Variants in ENOX1 observed in about 807,000 individuals in gnomAD.
ENOX1 encodes ecto-NOX disulfide-thiol exchanger 1, also known as candidate growth-related and time keeping constitutive hydroquinone (NADH) oxidase.
Under a neutral mutation model 82.5 loss-of-function variants are expected in ENOX1, and 42 were observed. That is an observed-to-expected ratio of 0.51 (90% CI 0.40 to 0.66). The LOEUF (loss-of-function observed/expected upper bound fraction) is 0.66. Among genes scored for constraint, ENOX1 ranks in the 30% least tolerant of loss-of-function variants. ENOX1 has a pLI of 0.00. For missense variants in ENOX1, 608 were observed against 811.6 expected, an observed-to-expected ratio of 0.75 and a Z score of 3.05; for synonymous variants, 271 against 282.2, an observed-to-expected ratio of 0.96 and a Z score of 0.40.
intron 2 of ENOX1, among the ~76,000 whole-genome samples, chr13:43,499,066 A>G (rs2076889712): frequency 6.6e-6 from 1 of 152,078 alleles, no homozygotes; most frequent in Non-Finnish European, 1.5e-5. Context: ...ATTTTTCCCT[A>G]ATATCCCTAA....
chr13:43,740,355 T>C (rs1051590704), intron 1 of ENOX1, among the ~76,000 whole-genome samples: 4 of 152,208 alleles, frequency 2.6e-5, no homozygotes, highest in Non-Finnish European at 5.9e-5. Context: ...TTACCTTTTT[T>C]TTTTAACACC....
chr13:43,612,743 A>C (rs1005350588), intron 2 of ENOX1, among the ~76,000 whole-genome samples: 6 of 152,204 alleles, frequency 3.9e-5, no homozygotes, highest in African/African-American at 1.4e-4. Flanking sequence ...TATGGTTCCC[A>C]AAATAAATCA....
Position 43,564,148 on chromosome 13 carries a change from G to T in ENOX1, c.-218-79996C>A, listed in dbSNP as rs150436933. Among the ~76,000 whole-genome samples, 6 of 152,190 alleles carry T rather than the reference G, an allele frequency of 3.9e-5. No individual in the cohort carries two copies. In the East Asian group the frequency reaches 1.2e-3, roughly 29 times the overall value. ...AAATGCCAGCAAAATGAATTCAGAAGTGAAAGATCTCTACAATGAAAACTA... is the reference window on the plus strand; with the variant it reads ...AAATGCCAGCAAAATGAATTCAGAATTGAAAGATCTCTACAATGAAAACTA... On this transcript the variant is annotated intron_variant, in intron 2 of 16. Transcript: ENST00000690772.
intron 14 of ENOX1, among the ~76,000 whole-genome samples, chr13:43,257,175 A>G (rs1281488665): frequency 6.6e-6 from 1 of 152,170 alleles, no homozygotes; most frequent in Non-Finnish European, 1.5e-5. Flanking sequence ...GGGGATGAAG[A>G]GAGGTTGATT....
At chr13:43,271,282 C>G (rs2044665706) in intron 12 of ENOX1, among the ~76,000 whole-genome samples, 1 of 152,190 alleles carries the variant, frequency 6.6e-6, no homozygotes, top group South Asian at 2.1e-4. Context: ...TCATCAGACA[C>G]TATGCAGCCA....
At chr13:43,348,884 G>T (rs2049572463) in intron 8 of ENOX1, among the ~76,000 whole-genome samples, 1 of 152,224 alleles carries the variant, frequency 6.6e-6, no homozygotes, top group South Asian at 2.1e-4. Context: ...GAAATTGTAT[G>T]CTGAGGTTGC....
At position 43,227,896 on chromosome 13, in the gene ENOX1, G is replaced by A. The variant is rs188715148; in HGVS notation, c.1715-3758C>T. ...ATCCAGTGTTGCTAGAGACACAGCC[G>A]AAAGGAAAGCATGAGTCATCATCCT... On this transcript the variant is annotated intron_variant, in intron 15 of 16. Coordinates refer to ENST00000690772, the MANE Select transcript of ENOX1 (RefSeq NM_001347969.2). Among the ~76,000 whole-genome samples, 22 of 152,046 alleles carry A rather than the reference G, an allele frequency of 1.4e-4. No individual in the cohort carries two copies. The East Asian group carries it at 2.1e-3, about 15-fold the overall frequency.
intron 11 of ENOX1, among the ~76,000 whole-genome samples, chr13:43,311,375 T>C (rs2047193621): frequency 6.7e-6 from 1 of 149,968 alleles, no homozygotes; most frequent in Non-Finnish European, 1.5e-5. Flanking sequence ...TTTTTTTTTT[T>C]CTTCAAAATG....
rs573617690 is a variant in ENOX1, at chr13:43,738,537, T to C, written c.-285+48115A>G. Among the ~76,000 whole-genome samples, 14 of 152,336 alleles carry C rather than the reference T, an allele frequency of 9.2e-5. No homozygotes were observed. The East Asian group carries it at 2.5e-3, about 27-fold the overall frequency. ...AAATAGAAACAATGTTTTCATTTAC[T>C]ACTTTTCAAAGAGAGGTGTCTTCCA... On this transcript the variant is annotated intron_variant, in intron 1 of 16. Transcript: ENST00000690772.
At chr13:43,615,154 T>A (rs1054216475) in intron 2 of ENOX1, among the ~76,000 whole-genome samples, 8 of 152,214 alleles carry the variant, frequency 5.3e-5, no homozygotes, top group African/African-American at 1.4e-4. Flanking sequence ...TAAATCCAAT[T>A]ACTATATGTA....
intron 3 of ENOX1, 94 bp downstream of exon 3, chr13:43,483,915 G>T: frequency 3.0e-6 from 2 of 676,848 alleles, no homozygotes; most frequent in Non-Finnish European, 3.6e-6. Context: ...TACCCCCAGA[G>T]TTCTAATTGA....
intron 1 of ENOX1, among the ~76,000 whole-genome samples, chr13:43,703,586 A>G (rs1368731730): frequency 6.6e-6 from 1 of 152,096 alleles, no homozygotes; most frequent in Non-Finnish European, 1.5e-5. Context: ...GAATATCTCA[A>G]TAACATTTCT....
intron 3 of ENOX1, among the ~76,000 whole-genome samples, chr13:43,460,898 T>C (rs2057455670): frequency 6.7e-6 from 1 of 148,848 alleles, no homozygotes; most frequent in South Asian, 2.1e-4. Context: ...AAGGATTGGA[T>C]ATGGCACGGA....
intron 1 of ENOX1, among the ~76,000 whole-genome samples, chr13:43,750,621 T>C (rs755707604): frequency 2.0e-5 from 3 of 152,144 alleles, no homozygotes; most frequent in Admixed American, 6.5e-5. Context: ...TCTGGAACCT[T>C]TTGTCAAACG....
chr13:43,538,388 G>A (rs2078559514), intron 2 of ENOX1, among the ~76,000 whole-genome samples: 1 of 152,110 alleles, frequency 6.6e-6, no homozygotes, highest in Non-Finnish European at 1.5e-5. Context: ...TGTAGACTTT[G>A]GGGTGGGTTA....
At chr13:43,633,680 A>ATGTG (rs1337849766) in intron 2 of ENOX1, among the ~76,000 whole-genome samples, 9 of 41,036 alleles carry the variant, frequency 2.2e-4, no homozygotes, top group Non-Finnish European at 5.3e-4. Flanking sequence ...ACATTTTAAA[A>ATGTG]TGTGTGTATG....
At position 43,529,560 on chromosome 13, in the gene ENOX1, C is replaced by G. The variant is rs144442035; in HGVS notation, c.-218-45408G>C. Among the ~76,000 whole-genome samples, 19 of 152,188 alleles carry G rather than the reference C, an allele frequency of 1.2e-4. No homozygotes were observed. The East Asian group carries it at 2.1e-3, about 17-fold the overall frequency. The stretch of plus-strand genomic sequence containing the variant: ...TTGTGCTAGTTTTGCTGTCACATCT[C>G]TTCAAACTGCAAAAGTTATGGCCTC... On this transcript the variant is annotated intron_variant, in intron 2 of 16. Transcript: ENST00000690772.
At chr13:43,522,531 A>G (rs1206402291) in intron 2 of ENOX1, among the ~76,000 whole-genome samples, 2 of 152,144 alleles carry the variant, frequency 1.3e-5, no homozygotes, top group Non-Finnish European at 2.9e-5. Flanking sequence ...TGAAGGAGAT[A>G]AGATTGGAAC....
chr13:43,743,178 C>T (rs1949842702), intron 1 of ENOX1, among the ~76,000 whole-genome samples: 1 of 152,172 alleles, frequency 6.6e-6, no homozygotes, highest in East Asian at 1.9e-4. Context: ...TTTAGAGAAG[C>T]CCTGAAGCCT....
Sources: gnomAD v4.1 joint callset for allele counts (sites outside exome capture counted in the v4.1 genomes callset) on GRCh38, gnomAD v4.1.1 for gene constraint, MANE v1.5 for transcripts, NCBI Gene and HGNC (gene_info 2026-07-23, HGNC 2026-07-21) for gene names.